ARVCF: variants seen among roughly 807,000 people sequenced by gnomAD.
ARVCF encodes ARVCF delta catenin family member.
A neutral mutation model predicts 90.9 loss-of-function variants in ARVCF; 66 were observed. The observed-to-expected ratio is 0.73, with a 90% CI of 0.60 to 0.89. The LOEUF (loss-of-function observed/expected upper bound fraction) is 0.89. Among genes scored for constraint, ARVCF ranks in the 40% least tolerant of loss-of-function variants. ARVCF has a pLI of 0.00. For synonymous variants in ARVCF, 653 were observed against 603.4 expected (o/e 1.08, Z -1.21); for missense variants, 1,469 against 1,382.3 (o/e 1.06, Z -1.00).
intron 2 of ARVCF, among the ~76,000 whole-genome samples, chr22:19,995,838 AC>A (rs1944231120): frequency 6.6e-6 from 1 of 151,236 alleles, no homozygotes; most frequent in South Asian, 2.1e-4. Context: ...CTCCTCCCAT[AC>A]CCCCTTTCCC....
At position 19,981,894 on chromosome 22, in the gene ARVCF, G is replaced by A. The variant is rs1483279105; in HGVS notation, c.369+39C>T. 4 of 1,604,548 alleles carry A rather than the reference G, an allele frequency of 2.5e-6. No individual in the cohort carries two copies. The African/African-American group carries it at 4.0e-5, about 16-fold the overall frequency. On this transcript the variant is annotated intron_variant, in intron 4 of 19. Coordinates refer to ENST00000263207, the MANE Select transcript of ARVCF (RefSeq NM_001670.3). ...GCAGGTGGGACAGCTGCAGCAGCCT[G>A]GCCCTGCTCACCCACCCACTGCCTG...
rs374054145 is a variant in ARVCF, at chr22:19,978,560, A to G, written c.1580+337T>C. 3.9e-5 allele frequency among the ~76,000 whole-genome samples: 6 copies of G among 152,216 alleles called. No individual in the cohort carries two copies. In the South Asian group the frequency reaches 1.0e-3, roughly 26 times the overall value. ...CCCAGGGGTAGGAGGGGAAGGGCAG[A>G]GGTCACAGGTGGCTGGGATGAGCCT... On this transcript the variant is annotated intron_variant, in intron 7 of 19. Coordinates refer to ENST00000263207, the MANE Select transcript of ARVCF (RefSeq NM_001670.3).
intron 1 of ARVCF, among the ~76,000 whole-genome samples, chr22:20,012,373 G>A (rs1038751533): frequency 9.9e-5 from 15 of 152,238 alleles, no homozygotes; most frequent in African/African-American, 3.6e-4. Flanking sequence ...GGCAGGGGCA[G>A]AGCAGAGCAT....
chr22:19,983,278 A>G (rs979321254), intron 3 of ARVCF, among the ~76,000 whole-genome samples: 1 of 152,222 alleles, frequency 6.6e-6, no homozygotes, highest in African/African-American at 2.4e-5. Context: ...TCCCTGCACA[A>G]TGGGTCCCTT....
At chr22:19,978,462 G>A (rs928085937) in intron 7 of ARVCF, among the ~76,000 whole-genome samples, 1 of 152,206 alleles carries the variant, frequency 6.6e-6, no homozygotes, top group Non-Finnish European at 1.5e-5. Context: ...AGAGCCTGCA[G>A]GGCTGCGCGG....
intron 2 of ARVCF, among the ~76,000 whole-genome samples, chr22:19,996,794 C>A (rs893442377): frequency 6.6e-6 from 1 of 152,184 alleles, no homozygotes; most frequent in African/African-American, 2.4e-5. Context: ...CCCCAGGGGC[C>A]AGGGCGGTGC....
intron 2 of ARVCF, among the ~76,000 whole-genome samples, chr22:20,004,913 A>G (rs1429474524): frequency 2.0e-5 from 3 of 152,222 alleles, no homozygotes; most frequent in African/African-American, 7.2e-5. Flanking sequence ...AGATCTAAAC[A>G]TAAGACCTCA....
In ARVCF at chr22:19,977,988, C is replaced by T. The variant is rs369067673; in HGVS notation, c.1668G>A (p.Ser556=). Residue 556 remains serine (S), a synonymous_variant, in exon 8 of 20, where the codon TCG becomes TCA. Coordinates refer to ENST00000263207, the MANE Select transcript of ARVCF (RefSeq NM_001670.3). ...LVDALLHALQ[S]AVGRKDTDNK... ...TGTCAGTGTCCTTCCGGCCCACAGCCGACTGCAGGGCATGCAGGAGCGCGT... is the reference window on the plus strand; with the variant it reads ...TGTCAGTGTCCTTCCGGCCCACAGCTGACTGCAGGGCATGCAGGAGCGCGT... 1.2e-5 allele frequency: 19 copies of T among 1,611,072 alleles called. No individual in the cohort carries two copies. Among genetic ancestry groups the T allele is most frequent in the East Asian group, 1.1e-4 (5 of 44,848 alleles).
In ARVCF at chr22:19,975,744, A is replaced by G; in HGVS notation, c.1902T>C (p.Gly634=). 1 of 1,612,176 alleles carries G rather than the reference A, an allele frequency of 6.2e-7. No homozygotes were observed. The highest frequency in any genetic ancestry group is 8.5e-7 in the Non-Finnish European group (1 of 1,178,814). ...EEWFHQGKKD[G]EMDRNFDTLD... is the part of the protein sequence containing the mutation. ...GCGTGTCAAAGTTCCGGTCCATCTC[A>G]CCATCCTTCTTTCCTGGAAGGGAAA... Residue 634 remains glycine (G), a synonymous_variant, in exon 11 of 20, where the codon GGT becomes GGC. Transcript: ENST00000263207.
At chr22:19,979,593 T>G in intron 6 of ARVCF, 150 bp downstream of exon 6, 1 of 1,237,024 alleles carries the variant, frequency 8.1e-7, no homozygotes, top group Non-Finnish European at 1.1e-6. Flanking sequence ...GCCTGATGCC[T>G]GGCTCCTGGG....
At chr22:19,980,920 C>G in intron 5 of ARVCF, 1 of 404,414 alleles carries the variant, frequency 2.5e-6, no homozygotes, top group Non-Finnish European at 4.4e-6. Flanking sequence ...GGGGCTGTGA[C>G]AAGGGCCAGG....
intron 2 of ARVCF, among the ~76,000 whole-genome samples, chr22:20,007,830 T>C (rs1487394168): frequency 6.6e-6 from 1 of 152,204 alleles, no homozygotes; most frequent in Non-Finnish European, 1.5e-5. Context: ...AAGTCTTTGT[T>C]TTTCAGGAAT....
chr22:19,970,201 C>T lies in ARVCF; in HGVS notation c.*555G>A, dbSNP rs1942672255. On this transcript the variant is annotated 3_prime_UTR_variant, in exon 20 of 20. Transcript: ENST00000263207. ...GAGGTGGGGCACCTGTAGCCTGACC[C>T]CCACCTTGCTGCTTCCAAAGCTTCC... The T allele has an allele frequency of 2.0e-6, 2 of 989,344 alleles. No individual in the cohort carries two copies. Among genetic ancestry groups the T allele is most frequent in the South Asian group, 4.6e-5 (1 of 21,718 alleles). The allele number at this position is 989,344 out of a possible 1,614,324, so 61.3% of individuals were successfully genotyped here. A position where few individuals can be genotyped will look rare whatever the true frequency, so the allele number is the denominator to read the frequency against.
intron 6 of ARVCF, 91 bp downstream of exon 6, chr22:19,979,652 C>G: frequency 6.8e-7 from 1 of 1,459,904 alleles, no homozygotes; most frequent in Non-Finnish European, 9.1e-7. Context: ...CTTTCCCAGG[C>G]GGTCGCAGGC....
rs1943381738 is a variant in ARVCF, at chr22:19,979,836, TGTCA to T, written c.1299_1302del (p.Asp434ThrfsTer18). The T allele has an allele frequency of 2.5e-6, 4 of 1,609,678 alleles. No individual in the cohort carries two copies. The highest frequency in any genetic ancestry group is 3.4e-6 in the Non-Finnish European group (4 of 1,178,910). On this transcript the variant is annotated frameshift_variant, in exon 6 of 20. Coordinates refer to ENST00000263207, the MANE Select transcript of ARVCF (RefSeq NM_001670.3). LOFTEE classifies it high-confidence loss of function. ...CCGCAGTCCCGGATGGCGGCCTTGT[TGTCA>T]GTGTCGCGGCCATAGGAGAGGTTGC...
intron 10 of ARVCF, 107 bp from the exon 11 acceptor site, chr22:19,975,864 C>T (rs1368537924): frequency 6.9e-6 from 8 of 1,160,044 alleles, no homozygotes; most frequent in Non-Finnish European, 1.0e-5. Flanking sequence ...AAGGCACCCC[C>T]ATGTCCAGGC....
Position 19,981,234 on chromosome 22 carries a change from C to T in ARVCF, c.873G>A (p.Glu291=). The change falls in exon 5 of 20, where the codon GAG becomes GAA. Residue 291 remains glutamate (E), a synonymous_variant. Coordinates refer to ENST00000263207, the MANE Select transcript of ARVCF (RefSeq NM_001670.3). ...DYGTATRRRP[E]CGRGLHTRAY... The stretch of plus-strand genomic sequence containing the variant: ...ACCTGGTATGAAGGCCCCGCCCACA[C>T]TCAGGCCTCCTCCTTGTGGCCGTGC... 1.9e-6 allele frequency: 3 copies of T among 1,552,068 alleles called. No individual in the cohort carries two copies. Among genetic ancestry groups the T allele is most frequent in the Non-Finnish European group, 2.6e-6 (3 of 1,148,290 alleles).
chr22:19,973,703 G>GC lies in ARVCF; in HGVS notation c.2178dup (p.Arg727AlafsTer27). On this transcript the variant is annotated frameshift_variant, in exon 13 of 20. Transcript: ENST00000263207. LOFTEE classifies it high-confidence loss of function. ...TTGCGCAGAGCGATGGCGACGGCGC[G>GC]CACCACCTTGTCGGTCTCAGACTGC... The GC allele has an allele frequency of 6.2e-7, 1 of 1,610,064 alleles. No individual in the cohort carries two copies. The highest frequency in any genetic ancestry group is 1.1e-5 in the South Asian group (1 of 91,076).
chr22:19,989,154 T>C (rs772764870), intron 3 of ARVCF, among the ~76,000 whole-genome samples: 18 of 152,030 alleles, frequency 1.2e-4, no homozygotes, highest in Non-Finnish European at 2.1e-4. Flanking sequence ...CGCCTCAAGT[T>C]TGAGGGTAGA....
Sources: allele counts gnomAD v4.1 joint callset (sites outside exome capture counted in the v4.1 genomes callset), GRCh38; gene constraint gnomAD v4.1.1; transcripts MANE v1.5; gene names NCBI Gene and HGNC (gene_info 2026-07-23, HGNC 2026-07-21).